The following VPS26A variants were observed in gnomAD, a reference collection of about 807,000 sequenced individuals.
The protein encoded by VPS26A is vacuolar protein sorting-associated protein 26A.
Under a neutral mutation model 42.4 loss-of-function variants are expected in VPS26A, and 22 were observed. That is an observed-to-expected ratio of 0.52 (90% confidence interval 0.37 to 0.74). The LOEUF is 0.74. Among genes scored for constraint, VPS26A ranks in the 30% least tolerant of loss-of-function variants. The probability of loss-of-function intolerance (pLI) is 0.00; values close to 1 mark genes in which losing one functional copy is unlikely to be tolerated. For missense variants in VPS26A, 276 were observed against 379.2 expected, an observed-to-expected ratio of 0.73 and a Z score of 2.26; for synonymous variants, 110 against 123.5, an observed-to-expected ratio of 0.89 and a Z score of 0.73.
At chr10:69,146,859 TGACC>T (rs1227079244) in intron 2 of VPS26A, among the ~76,000 whole-genome samples, 3 of 152,350 alleles carry the variant, frequency 2.0e-5, no homozygotes, top group African/African-American at 7.2e-5. Context: ...TGGTACTATT[TGACC>T]ATTATGAATA....
intron 2 of VPS26A, among the ~76,000 whole-genome samples, chr10:69,151,283 A>AAAAAAAAAAAAAAAAAAAAAAC (rs59929053): frequency 8.2e-6 from 1 of 122,126 alleles, no homozygotes; most frequent in African/African-American, 3.5e-5. Context: ...AAAAAAAAAA[A>AAAAAAAAAAAAAAAAAAAAAAC]CACACACACA....
rs530961714 is a variant in VPS26A, at chr10:69,152,735, C to T, written c.154-3077C>T. 1.2e-4 allele frequency among the ~76,000 whole-genome samples: 18 copies of T among 152,080 alleles called. No homozygotes were observed. In the South Asian group the frequency reaches 3.1e-3, roughly 26 times the overall value. ...CTGTAATCCCAGCACTTTGGGAGGCCGAGGCGGGTGGATCACGAGGTCAGG... is the reference window on the plus strand; with the variant it reads ...CTGTAATCCCAGCACTTTGGGAGGCTGAGGCGGGTGGATCACGAGGTCAGG... On this transcript the variant is annotated intron_variant, in intron 2 of 8. Transcript: ENST00000263559.
rs1245431319 is a variant in VPS26A, at chr10:69,132,940, A to G, written c.46A>G (p.Ile16Val). 6.2e-7 allele frequency: 1 copy of G among 1,607,090 alleles called. No individual in the cohort carries two copies. The highest frequency in any genetic ancestry group is 1.1e-5 in the South Asian group (1 of 88,988). Reference protein sequence around the residue: ...GFFGPICEIDIVLNDGETRKM... With the variant: ...GFFGPICEIDVVLNDGETRKM... The stretch of plus-strand genomic sequence containing the variant: ...TTTTGGTCCAATTTGTGAGATCGAT[A>G]TTGTTCTTAATGATGGGGAAACCAG... Residue 16 changes from isoleucine (I) to valine (V), a missense_variant, in exon 2 of 9, where the codon ATT becomes GTT. Physicochemically the swap from Ile to Val is conservative, Grantham distance 29 (BLOSUM62 3). Coordinates refer to ENST00000263559, the MANE Select transcript of VPS26A (RefSeq NM_004896.5).
intron 1 of VPS26A, among the ~76,000 whole-genome samples, chr10:69,131,413 C>A (rs1840774457): frequency 1.3e-5 from 2 of 152,210 alleles, no homozygotes; most frequent in African/African-American, 2.4e-5. Context: ...CAGAGTGAGA[C>A]CCTGTCTCTA....
chr10:69,169,932 A>G (rs1841780654), intron 8 of VPS26A: 1 of 152,198 alleles, frequency 6.6e-6, no homozygotes, highest in South Asian at 2.1e-4. Context: ...TGTTTAATAT[A>G]AAGTGTTCAT....
intron 4 of VPS26A, 108 bp downstream of exon 4, chr10:69,157,271 A>C (rs1841452280): frequency 1.4e-6 from 2 of 1,390,816 alleles, no homozygotes; most frequent in Non-Finnish European, 1.9e-6. Context: ...GGAAGATTTA[A>C]GATTTTTAAA....
intron 1 of VPS26A, among the ~76,000 whole-genome samples, chr10:69,131,528 A>T (rs1324638208): frequency 6.6e-6 from 1 of 152,106 alleles, no homozygotes; most frequent in Non-Finnish European, 1.5e-5. Context: ...AGGTCAGGAG[A>T]TCGAGACCGT....
intron 2 of VPS26A, among the ~76,000 whole-genome samples, chr10:69,136,250 G>C (rs1230853042): frequency 1.3e-5 from 2 of 150,458 alleles, no homozygotes; most frequent in Non-Finnish European, 3.0e-5. Flanking sequence ...TTCTTTCTCT[G>C]TCATTTTTCT....
Position 69,158,031 on chromosome 10 carries a change from T to C in VPS26A, c.387-16T>C, listed in dbSNP as rs773894576. 3 of 1,579,712 alleles carry C rather than the reference T, an allele frequency of 1.9e-6. No individual in the cohort carries two copies. Among genetic ancestry groups the C allele is most frequent in the Non-Finnish European group, 2.6e-6 (3 of 1,166,618 alleles). ...CACAGGTGATTTAACTCATCGACTC[T>C]CTTTTAACTTTGTAGGTATTTTCTT... On this transcript the variant is annotated splice_polypyrimidine_tract_variant and intron_variant, in intron 4 of 8. Coordinates refer to ENST00000263559, the MANE Select transcript of VPS26A (RefSeq NM_004896.5).
At chr10:69,144,473 C>G (rs1246995843) in intron 2 of VPS26A, among the ~76,000 whole-genome samples, 2 of 152,172 alleles carry the variant, frequency 1.3e-5, no homozygotes, top group African/African-American at 2.4e-5. Flanking sequence ...AACTACTCAT[C>G]TTTTTACTGT....
At chr10:69,160,058 G>A (rs764356633) in intron 5 of VPS26A, among the ~76,000 whole-genome samples, 4 of 151,362 alleles carry the variant, frequency 2.6e-5, no homozygotes, top group South Asian at 4.2e-4. Flanking sequence ...AAATTATATT[G>A]TTGATGAAAT....
rs1328381418 is a variant in VPS26A at position 69,164,854 on chromosome 10, CTT to C, written c.659-1185_659-1184del. On this transcript the variant is annotated intron_variant, in intron 6 of 8. Coordinates refer to ENST00000263559, the MANE Select transcript of VPS26A (RefSeq NM_004896.5). ...GATGGCTGACCAGTTGTCCTGATATCTTTTATTGTTTCATCCCTGCTTTTTGA... is the reference window on the plus strand; with the variant it reads ...GATGGCTGACCAGTTGTCCTGATATCTTATTGTTTCATCCCTGCTTTTTGA... Among the ~76,000 whole-genome samples the C allele has an allele frequency of 2.0e-5, 3 of 151,522 alleles. No homozygotes were observed. In the East Asian group the frequency reaches 5.8e-4, roughly 29 times the overall value.
intron 5 of VPS26A, among the ~76,000 whole-genome samples, chr10:69,160,332 G>C (rs1456388239): frequency 2.0e-5 from 3 of 151,968 alleles, no homozygotes; most frequent in African/African-American, 7.2e-5. Flanking sequence ...GCTAATTTTT[G>C]TATTTTTAGT....
At chr10:69,165,946 T>C in intron 6 of VPS26A, 96 bp from the exon 7 acceptor site, 1 of 1,174,304 alleles carries the variant, frequency 8.5e-7, no homozygotes, top group Non-Finnish European at 1.2e-6. Flanking sequence ...ACACCGTCTC[T>C]AAAAAAAAAT....
rs1013128336 is a variant in VPS26A at position 69,144,682 on chromosome 10, C to A, written c.154-11130C>A. 2.0e-5 allele frequency among the ~76,000 whole-genome samples: 3 copies of A among 151,426 alleles called. No individual in the cohort carries two copies. The Admixed American group carries it at 2.0e-4, about 10-fold the overall frequency. On this transcript the variant is annotated intron_variant, in intron 2 of 8. Coordinates refer to ENST00000263559, the MANE Select transcript of VPS26A (RefSeq NM_004896.5). ...CAATGTTTGTTTATCCGTTTACCTA[C>A]TATCTTGGTTGGTTCCAAGTTTTGC... is the stretch of plus-strand genomic sequence containing the variant.
chr10:69,155,058 G>A (rs1841403496), intron 2 of VPS26A, among the ~76,000 whole-genome samples: 1 of 152,106 alleles, frequency 6.6e-6, no homozygotes, highest in Non-Finnish European at 1.5e-5. Context: ...GCTGAGGGAG[G>A]AGGATCATTT....
At chr10:69,149,807 C>A (rs1189463522) in intron 2 of VPS26A, among the ~76,000 whole-genome samples, 1 of 129,814 alleles carries the variant, frequency 7.7e-6, no homozygotes, top group Non-Finnish European at 1.5e-5. Context: ...AGTGCAGTGG[C>A]ATGATCTCAG....
chr10:69,168,425 C>T, intron 7 of VPS26A, 64 bp from the exon 8 acceptor site: 5 of 1,548,130 alleles, frequency 3.2e-6, no homozygotes, highest in Non-Finnish European at 4.4e-6. Flanking sequence ...AGTGCTTAGT[C>T]CTACCTGTTA....
chr10:69,160,491 G>A (rs947391751), intron 5 of VPS26A, among the ~76,000 whole-genome samples: 15 of 146,298 alleles, frequency 1.0e-4, no homozygotes, highest in Non-Finnish European at 1.6e-4. Context: ...AATCTCTGTC[G>A]TCCCGTCTGG....
Sources: gnomAD v4.1 joint callset for allele counts (sites outside exome capture counted in the v4.1 genomes callset) on GRCh38, gnomAD v4.1.1 for gene constraint, MANE v1.5 for transcripts, NCBI Gene and HGNC (gene_info 2026-07-23, HGNC 2026-07-21) for gene names.